Variants in SVEP1 observed in about 807,000 individuals in gnomAD.
SVEP1 encodes the protein sushi, von Willebrand factor type A, EGF and pentraxin domain-containing protein 1.
SVEP1 carries 164 observed loss-of-function variants against 367.3 expected under a neutral mutation model. The ratio of observed to expected loss-of-function variants is 0.45; its 90% CI spans 0.39 to 0.51. The LOEUF (loss-of-function observed/expected upper bound fraction) is 0.51. Ranked by LOEUF, SVEP1 falls within the 20% of genes least tolerant of loss-of-function variation. SVEP1 has a pLI of 0.00. For missense variants in SVEP1, 4,117 were observed against 4,425.3 expected, an observed-to-expected ratio of 0.93 and a Z score of 1.98; for synonymous variants, 1,666 against 1,611.6, an observed-to-expected ratio of 1.03 and a Z score of -0.81.
rs778962096 is a variant in SVEP1, at chr9:110,457,238, T to C, written c.3673+18A>G. 16 of 1,547,508 alleles carry C rather than the reference T, an allele frequency of 1.0e-5. No individual in the cohort carries two copies. The South Asian group carries it at 1.8e-4, about 17-fold the overall frequency. Reference sequence around the variant, plus strand: ...CATATAAAATATATTAAAATCTACATTCCTCTTGGTTATTTACCTGTATAT... The same window carrying C: ...CATATAAAATATATTAAAATCTACACTCCTCTTGGTTATTTACCTGTATAT... On this transcript the variant is annotated intron_variant, in intron 21 of 47. Coordinates refer to ENST00000374469, the MANE Select transcript of SVEP1 (RefSeq NM_153366.4).
intron 3 of SVEP1, among the ~76,000 whole-genome samples, chr9:110,545,052 TAAC>T (rs1333382430): frequency 6.6e-6 from 1 of 152,182 alleles, no homozygotes; most frequent in Non-Finnish European, 1.5e-5. Flanking sequence ...TTGTTTCACT[TAAC>T]AACTCCAGGC....
chr9:110,514,004 G>A lies in SVEP1; in HGVS notation c.1067C>T (p.Ser356Phe), dbSNP rs746044721. 4.5e-5 allele frequency: 72 copies of A among 1,612,992 alleles called. No individual in the cohort carries two copies. In the East Asian group the frequency reaches 9.1e-4, roughly 20 times the overall value. The part of the protein sequence containing the change: ...ENHTSPPGST[S>F]PEDCVCREGY... ...CTCTCTGCAGACACAGTCTTCAGGG[G>A]ATGTGCTTCCAGGTGGAGAGGTGTG... The change falls in exon 4 of 48, where the codon TCC becomes TTC. Residue 356 changes from serine (S) to phenylalanine (F), a missense_variant. Ser to Phe is a radical substitution (Grantham distance 155). This residue lies in a region of SVEP1 where 2,174 missense variants were observed against 2,494.3 expected (regional missense o/e 0.87). Coordinates refer to ENST00000374469, the MANE Select transcript of SVEP1 (RefSeq NM_153366.4).
At chr9:110,448,554 C>T (rs79873098) in intron 24 of SVEP1, among the ~76,000 whole-genome samples, 5,209 of 152,232 alleles carry the variant, frequency 0.034, 84 homozygotes, top group Middle Eastern at 0.058. Flanking sequence ...TTTCACTCAC[C>T]TTTATCCTCC....
chr9:110,404,819 G>A (rs1827931499), intron 38 of SVEP1, among the ~76,000 whole-genome samples: 1 of 152,162 alleles, frequency 6.6e-6, no homozygotes, highest in South Asian at 2.1e-4. Flanking sequence ...GAGTCCAGGA[G>A]CTTGAGACTA....
chr9:110,366,555 C>A lies in SVEP1; in HGVS notation c.10700G>T (p.Arg3567Met). ...GTGCAGTGGTTAAAACCCAGTCCTC[C>A]TTTTCCTGGAAAAAAAAAAAAAAGC... ...SWTGHNCSRK[R>M]RTGF Residue 3567 changes from arginine to methionine, a missense_variant, in exon 48 of 48, where the codon AGG becomes ATG. Arg to Met is a moderately conservative substitution (Grantham distance 91, BLOSUM62 -1). Transcript: ENST00000374469. 1 of 1,529,594 alleles carries A rather than the reference C, an allele frequency of 6.5e-7. No individual in the cohort carries two copies. The highest frequency in any genetic ancestry group is 8.7e-7 in the Non-Finnish European group (1 of 1,144,198). The allele number at this position is 1,529,594 out of a possible 1,614,324, so 94.8% of individuals were successfully genotyped here. A position where few individuals can be genotyped will look rare whatever the true frequency, so the allele number is the denominator to read the frequency against.
chr9:110,518,573 G>A lies in SVEP1; in HGVS notation c.965-4467C>T, dbSNP rs529990358. Among the ~76,000 whole-genome samples the A allele has an allele frequency of 3.3e-5, 5 of 152,154 alleles. No individual in the cohort carries two copies. The Middle Eastern group carries it at 0.014, about 414-fold the overall frequency. On this transcript the variant is annotated intron_variant, in intron 3 of 47. Coordinates refer to ENST00000374469, the MANE Select transcript of SVEP1 (RefSeq NM_153366.4). ...CCACCTCAGCCTCCCAAATAGCTAG[G>A]ACAACAGGCACATACCACCATGCCC...
intron 43 of SVEP1, among the ~76,000 whole-genome samples, chr9:110,381,453 A>C (rs7024444): frequency 0.59 from 90,141 of 151,952 alleles, 26,848 homozygotes; most frequent in Middle Eastern, 0.71. Context: ...ATTATGTACC[A>C]AGGAGTCATT....
In SVEP1 at chr9:110,458,532, T is replaced by A; in HGVS notation, c.3515A>T (p.Glu1172Val). The change falls in exon 20 of 48, where the codon GAA becomes GTA. Residue 1172 changes from glutamate to valine, a missense_variant. Coordinates refer to ENST00000374469, the MANE Select transcript of SVEP1 (RefSeq NM_153366.4). The part of the protein sequence containing the change: ...SFSSTFSAAE[E>V]SVVPPASLGH... ...AAGAGAGGCAGGGGGCACCACACTTTCCTCTGCCGCTGAGAAAGTTGAACT... is the reference window on the plus strand; with the variant it reads ...AAGAGAGGCAGGGGGCACCACACTTACCTCTGCCGCTGAGAAAGTTGAACT... The A allele has an allele frequency of 6.2e-7, 1 of 1,612,716 alleles. No individual in the cohort carries two copies. The highest frequency in any genetic ancestry group is 8.5e-7 in the Non-Finnish European group (1 of 1,179,520).
intron 1 of SVEP1, among the ~76,000 whole-genome samples, chr9:110,560,448 TTTG>T (rs1231038603): frequency 6.6e-6 from 1 of 152,200 alleles, no homozygotes; most frequent in Non-Finnish European, 1.5e-5. Context: ...TATGTTATAG[TTTG>T]TTGTTGTTTG....
At chr9:110,388,514 A>C (rs1478226818) in intron 41 of SVEP1, among the ~76,000 whole-genome samples, 1 of 152,068 alleles carries the variant, frequency 6.6e-6, no homozygotes, top group Non-Finnish European at 1.5e-5. Flanking sequence ...GCTACTTTTC[A>C]GTATTATATT....
chr9:110,470,519 A>T (rs1310401691), intron 16 of SVEP1, among the ~76,000 whole-genome samples: 5 of 151,728 alleles, frequency 3.3e-5, no homozygotes, highest in African/African-American at 9.7e-5. Flanking sequence ...TGCAGCCTTG[A>T]CTTCTGGGGC....
intron 43 of SVEP1, among the ~76,000 whole-genome samples, chr9:110,385,153 G>A (rs1284516305): frequency 1.3e-5 from 2 of 152,014 alleles, no homozygotes; most frequent in Non-Finnish European, 2.9e-5. Flanking sequence ...GCTAATTTTT[G>A]TATTTTTAGT....
intron 36 of SVEP1, among the ~76,000 whole-genome samples, chr9:110,413,362 A>G (rs1450592859): frequency 7.3e-6 from 1 of 136,966 alleles, no homozygotes; most frequent in African/African-American, 2.8e-5. Flanking sequence ...GGACACAGGA[A>G]GGGGAGCATC....
At chr9:110,392,701 G>A (rs10980366) in intron 40 of SVEP1, among the ~76,000 whole-genome samples, 9,319 of 152,084 alleles carry the variant, frequency 0.061, 460 homozygotes, top group African/African-American at 0.14. Context: ...TTAAAATAAT[G>A]AGTTTGTTCA....
chr9:110,450,601 C>T (rs1828678873), intron 23 of SVEP1, among the ~76,000 whole-genome samples: 1 of 150,534 alleles, frequency 6.6e-6, no homozygotes, highest in Admixed American at 6.7e-5. Context: ...TCCTGAGTAG[C>T]TGAGACTACA....
chr9:110,390,118 CATACATACTTATAT>C lies in SVEP1; in HGVS notation c.9823-545_9823-532del, dbSNP rs1277476125. ...ATACATACTTATATAAGTATATATACATACATACTTATATAAGTATATATACAAGTATATACATA... is the reference window on the plus strand; with the variant it reads ...ATACATACTTATATAAGTATATATACAAGTATATATACAAGTATATACATA... On this transcript the variant is annotated intron_variant, in intron 40 of 47. Coordinates refer to ENST00000374469, the MANE Select transcript of SVEP1 (RefSeq NM_153366.4). 4.2e-5 allele frequency among the ~76,000 whole-genome samples: 4 copies of C among 95,978 alleles called. No homozygotes were observed. The Admixed American group carries it at 5.3e-4, about 13-fold the overall frequency. The allele number at this position is 95,978 out of a possible 152,430, so 63.0% of individuals were successfully genotyped here.
intron 42 of SVEP1, among the ~76,000 whole-genome samples, chr9:110,386,570 T>C (rs904758285): frequency 1.3e-5 from 2 of 152,096 alleles, no homozygotes; most frequent in African/African-American, 4.8e-5. Context: ...AGACTCATAC[T>C]GCTATGGGCA....
chr9:110,383,528 T>TGG (rs535440131), intron 43 of SVEP1, among the ~76,000 whole-genome samples: 5 of 64,130 alleles, frequency 7.8e-5, no homozygotes, highest in African/African-American at 2.8e-4. Flanking sequence ...ACCCCTGTTG[T>TGG]GGGGGGGTCT....
At chr9:110,466,775 A>AAAAAAAT (rs1828944928) in intron 17 of SVEP1, among the ~76,000 whole-genome samples, 1 of 146,026 alleles carries the variant, frequency 6.8e-6, no homozygotes, top group African/African-American at 2.5e-5. Context: ...AAAAAAAAAA[A>AAAAAAAT]AAAGAACTGG....
Sources: allele counts gnomAD v4.1 joint callset (sites outside exome capture counted in the v4.1 genomes callset), GRCh38; gene constraint gnomAD v4.1.1; regional missense constraint gnomAD v4.1.1; transcripts MANE v1.5; gene names NCBI Gene and HGNC (gene_info 2026-07-23, HGNC 2026-07-21).